NEDD4L: variants seen among roughly 807,000 people sequenced by gnomAD.
The protein encoded by NEDD4L is NEDD4 like E3 ubiquitin protein ligase, also known as E3 ubiquitin-protein ligase NEDD4-like.
NEDD4L carries 54 observed loss-of-function variants against 148.9 expected under a neutral mutation model. The observed-to-expected ratio is 0.36, with a 90% confidence interval of 0.29 to 0.45. The LOEUF (loss-of-function observed/expected upper bound fraction) is 0.45, where lower values mean the gene tolerates loss of function less well. Among genes scored for constraint, NEDD4L ranks in the 20% least tolerant of loss-of-function variants. The pLI is 1.00. For synonymous variants in NEDD4L, 433 were observed against 440.7 expected, an observed-to-expected ratio of 0.98 and a Z score of 0.22; for missense variants, 856 against 1,233.8, an observed-to-expected ratio of 0.69 and a Z score of 4.59.
intron 1 of NEDD4L, among the ~76,000 whole-genome samples, chr18:58,115,272 G>GTTTTTT: frequency 6.9e-6 from 1 of 144,150 alleles, no homozygotes. Flanking sequence ...CTGGTTCTGG[G>GTTTTTT]CCCACAGTAG....
At chr18:58,279,170 C>A (rs1445905053) in intron 5 of NEDD4L, among the ~76,000 whole-genome samples, 1 of 152,120 alleles carries the variant, frequency 6.6e-6, no homozygotes, top group East Asian at 1.9e-4. Flanking sequence ...ATCCACCATG[C>A]CTGGCCGATT....
chr18:58,390,332 A>T (rs1602046087), intron 28 of NEDD4L: 1 of 223,284 alleles, frequency 4.5e-6, no homozygotes, highest in East Asian at 8.9e-5. Flanking sequence ...TATATTTATA[A>T]TTGGCTTAGG....
chr18:58,212,902 A>C (rs1159969907), intron 2 of NEDD4L, among the ~76,000 whole-genome samples: 1 of 152,252 alleles, frequency 6.6e-6, no homozygotes, highest in Non-Finnish European at 1.5e-5. Context: ...AGAAAACCAC[A>C]GAGGAAAAAT....
In NEDD4L at chr18:58,195,739, T is replaced by C. The variant is rs534560095; in HGVS notation, c.122+29878T>C. ...CTCTTCCTGCCTGGAATCTGGTAAG[T>C]GCCACCGAAGGTTCCGTTCCCTTTA... On this transcript the variant is annotated intron_variant, in intron 2 of 30. Coordinates refer to ENST00000400345, the MANE Select transcript of NEDD4L (RefSeq NM_001144967.3). The C allele has an allele frequency of 3.0e-4, 411 of 1,348,832 alleles. 4 individuals are homozygous for C. In the South Asian group the frequency reaches 4.4e-3, roughly 14 times the overall value. The allele number at this position is 1,348,832 out of a possible 1,614,324, so 83.6% of individuals were successfully genotyped here.
intron 1 of NEDD4L, among the ~76,000 whole-genome samples, chr18:58,065,709 A>G (rs2082558847): frequency 6.6e-6 from 1 of 152,214 alleles, no homozygotes; most frequent in African/African-American, 2.4e-5. Flanking sequence ...TAGCCATACT[A>G]GTCTCATTAC....
At chr18:58,056,020 G>T (rs770902958) in intron 1 of NEDD4L, among the ~76,000 whole-genome samples, 2 of 152,178 alleles carry the variant, frequency 1.3e-5, no homozygotes, top group Non-Finnish European at 2.9e-5. Flanking sequence ...CCTGTGAGCG[G>T]TCAGCTCTTC....
intron 2 of NEDD4L, chr18:58,228,033 G>GT (rs1225879895): frequency 6.1e-6 from 1 of 165,114 alleles, no homozygotes; most frequent in Non-Finnish European, 1.2e-5. Flanking sequence ...ATATTTTCCA[G>GT]TATCTACTTA....
intron 5 of NEDD4L, among the ~76,000 whole-genome samples, chr18:58,266,280 A>C (rs1281438795): frequency 1.3e-5 from 2 of 152,116 alleles, no homozygotes; most frequent in Non-Finnish European, 2.9e-5. Context: ...ATTGAGTATC[A>C]GATCTGTGAA....
intron 2 of NEDD4L, among the ~76,000 whole-genome samples, chr18:58,201,401 G>C (rs1356724290): frequency 6.6e-6 from 1 of 151,892 alleles, no homozygotes; most frequent in Non-Finnish European, 1.5e-5. Context: ...TACTAAAATA[G>C]AGAAGACAAC....
At chr18:58,255,876 C>G in intron 5 of NEDD4L, 1 of 1,232,286 alleles carries the variant, frequency 8.1e-7, no homozygotes, top group Non-Finnish European at 1.0e-6. Context: ...CAGCTCTTGA[C>G]CAGCATCGAC....
chr18:58,143,473 G>T (rs771382847), intron 1 of NEDD4L, among the ~76,000 whole-genome samples: 1 of 152,194 alleles, frequency 6.6e-6, no homozygotes. Flanking sequence ...CTTATCTGCC[G>T]AAATGCCCGC....
At chr18:58,357,058 T>C in intron 18 of NEDD4L, 136 bp from the exon 19 acceptor site, 1 of 735,762 alleles carries the variant, frequency 1.4e-6, no homozygotes, top group Non-Finnish European at 2.2e-6. Flanking sequence ...GAAATACTAA[T>C]TTGTCTTTAG....
intron 29 of NEDD4L, 36 bp from the exon 30 acceptor site, chr18:58,391,451 A>G (rs1255570332): frequency 6.7e-7 from 1 of 1,498,158 alleles, no homozygotes; most frequent in Admixed American, 2.0e-5. Flanking sequence ...TTCTGCCCCA[A>G]GCAATCTTAA....
intron 1 of NEDD4L, among the ~76,000 whole-genome samples, chr18:58,163,806 C>T (rs554269805): frequency 1.3e-5 from 2 of 152,140 alleles, no homozygotes; most frequent in Non-Finnish European, 1.5e-5. Context: ...GGATGTGTGT[C>T]CATTGCATGA....
At chr18:58,087,292 C>A (rs764667886) in intron 1 of NEDD4L, among the ~76,000 whole-genome samples, 1 of 152,188 alleles carries the variant, frequency 6.6e-6, no homozygotes, top group Non-Finnish European at 1.5e-5. Flanking sequence ...TAACAAAGAT[C>A]TCCTTTTCCA....
At chr18:58,047,513 A>G (rs908745594) in intron 1 of NEDD4L, 2 of 985,224 alleles carry the variant, frequency 2.0e-6, no homozygotes, top group Non-Finnish European at 2.4e-6. Flanking sequence ...TGTAGAAGGT[A>G]AGGGGTTGAG....
At chr18:58,374,137 A>C (rs1450292311) in intron 24 of NEDD4L, among the ~76,000 whole-genome samples, 1 of 152,244 alleles carries the variant, frequency 6.6e-6, no homozygotes, top group Non-Finnish European at 1.5e-5. Flanking sequence ...TAGATGTCAA[A>C]GATTGCTAGA....
intron 2 of NEDD4L, chr18:58,195,766 T>A (rs1265538916): frequency 5.5e-6 from 7 of 1,276,688 alleles, no homozygotes; most frequent in Non-Finnish European, 6.3e-6. Context: ...TTCCCTTTAT[T>A]ACTCGATTAG....
At chr18:58,145,772 G>T (rs962429437) in intron 1 of NEDD4L, among the ~76,000 whole-genome samples, 1 of 151,988 alleles carries the variant, frequency 6.6e-6, no homozygotes, top group Admixed American at 6.6e-5. Context: ...TTGCCTAATT[G>T]TGCTCTAGAA....
Sources: allele counts gnomAD v4.1 joint callset (sites outside exome capture counted in the v4.1 genomes callset), GRCh38; gene constraint gnomAD v4.1.1; transcripts MANE v1.5; gene names NCBI Gene and HGNC (gene_info 2026-07-23, HGNC 2026-07-21).